ADCY2: variants seen among roughly 807,000 people sequenced by gnomAD.
The protein encoded by ADCY2 is adenylate cyclase 2, also known as adenylate cyclase type 2.
In ADCY2, 31 loss-of-function variants were observed where a neutral mutation model predicts 125.2. The observed-to-expected ratio is 0.25, with a 90% CI of 0.19 to 0.33. The LOEUF (loss-of-function observed/expected upper bound fraction) is 0.33, where lower values mean the gene tolerates loss of function less well. Among genes scored for constraint, ADCY2 ranks in the 10% least tolerant of loss-of-function variants. The pLI, the probability that ADCY2 is intolerant of heterozygous loss-of-function variation, is 1.00. For synonymous variants in ADCY2, 512 were observed against 548.4 expected (o/e 0.93, Z 0.93); for missense variants, 904 against 1,418.2 (o/e 0.64, Z 5.82).
chr5:7,563,063 A>G (rs993752515), intron 3 of ADCY2, among the ~76,000 whole-genome samples: 1 of 152,114 alleles, frequency 6.6e-6, no homozygotes, highest in Non-Finnish European at 1.5e-5. Flanking sequence ...CATCTTGGAG[A>G]CAAATTTAGT....
chr5:7,566,937 C>G (rs750799530), intron 3 of ADCY2, among the ~76,000 whole-genome samples: 1 of 152,074 alleles, frequency 6.6e-6, no homozygotes, highest in African/African-American at 2.4e-5. Context: ...TCTGTCTTGA[C>G]CAGTTTCAAG....
At chr5:7,521,356 CA>C (rs1392804171) in intron 3 of ADCY2, among the ~76,000 whole-genome samples, 1 of 151,458 alleles carries the variant, frequency 6.6e-6, no homozygotes, top group Non-Finnish European at 1.5e-5. Flanking sequence ...GGTCTATGAG[CA>C]TTAAAAAAAA....
At position 7,753,130 on chromosome 5, in the gene ADCY2, C is replaced by T. The variant is rs140721054; in HGVS notation, c.1957-4319C>T. ...GCCAGGATAGTCTCAAACTCCTGAC[C>T]TCATGATCTGCCCATCTCAGCCTCC... is the stretch of plus-strand genomic sequence containing the variant. On this transcript the variant is annotated intron_variant, in intron 15 of 24. Transcript: ENST00000338316. Among the ~76,000 whole-genome samples the T allele has an allele frequency of 7.5e-3, 1,135 of 152,194 alleles. 13 individuals carry two copies. The highest frequency in any genetic ancestry group is 0.026 in the African/African-American group (1,092 of 41,520).
At chr5:7,540,697 A>G (rs2126560046) in intron 3 of ADCY2, among the ~76,000 whole-genome samples, 1 of 152,308 alleles carries the variant, frequency 6.6e-6, no homozygotes, top group Non-Finnish European at 1.5e-5. Context: ...CATTTCTCCC[A>G]GTTCTTGTCC....
At chr5:7,460,192 G>A (rs1741867097) in intron 2 of ADCY2, among the ~76,000 whole-genome samples, 1 of 152,018 alleles carries the variant, frequency 6.6e-6, no homozygotes, top group Non-Finnish European at 1.5e-5. Flanking sequence ...GAATTGATAA[G>A]CAGGGATCAT....
At chr5:7,476,280 C>T (rs1466954267) in intron 2 of ADCY2, among the ~76,000 whole-genome samples, 2 of 151,950 alleles carry the variant, frequency 1.3e-5, no homozygotes, top group Non-Finnish European at 2.9e-5. Context: ...GGTGAGATCC[C>T]CCAGGAAGCT....
chr5:7,792,263 C>T (rs1330596667), intron 20 of ADCY2, among the ~76,000 whole-genome samples: 8 of 146,460 alleles, frequency 5.5e-5, no homozygotes, highest in African/African-American at 1.5e-4. Flanking sequence ...GGCATGGTGG[C>T]GGGTGCCTGT....
intron 2 of ADCY2, among the ~76,000 whole-genome samples, chr5:7,516,743 G>A (rs1432247395): frequency 6.6e-6 from 1 of 152,198 alleles, no homozygotes; most frequent in Non-Finnish European, 1.5e-5. Flanking sequence ...GAATGGACAC[G>A]AAGGAGGAAG....
chr5:7,437,811 A>G (rs1740863615), intron 2 of ADCY2, among the ~76,000 whole-genome samples: 1 of 152,222 alleles, frequency 6.6e-6, no homozygotes, highest in Admixed American at 6.5e-5. Flanking sequence ...TGCAAAATTT[A>G]TGTGCTGAAA....
rs570899640 is a variant in ADCY2 at position 7,570,082 on chromosome 5, T to C, written c.570+49183T>C. On this transcript the variant is annotated intron_variant, in intron 3 of 24. Transcript: ENST00000338316. ...TAAGGTCACACAATCACTATAAGTG[T>C]AACCCTATGACTTCTGCTTGAAAAT... Among the ~76,000 whole-genome samples the C allele has an allele frequency of 2.0e-5, 3 of 152,236 alleles. No individual in the cohort carries two copies. The East Asian group carries it at 5.8e-4, about 29-fold the overall frequency.
chr5:7,567,000 A>C (rs558744366), intron 3 of ADCY2, among the ~76,000 whole-genome samples: 22 of 152,198 alleles, frequency 1.4e-4, no homozygotes, highest in Non-Finnish European at 2.4e-4. Flanking sequence ...TTATATTGCC[A>C]ATTCATCACT....
At chr5:7,706,629 G>A (rs1316219359) in intron 7 of ADCY2, 115 bp from the exon 8 acceptor site, 1 of 1,232,922 alleles carries the variant, frequency 8.1e-7, no homozygotes, top group Non-Finnish European at 1.2e-6. Context: ...GAAGGTTTAT[G>A]GTCATTTCCG....
chr5:7,624,838 C>A (rs1738070436), intron 3 of ADCY2, among the ~76,000 whole-genome samples: 1 of 152,120 alleles, frequency 6.6e-6, no homozygotes, highest in Non-Finnish European at 1.5e-5. Flanking sequence ...ATTAAAGCCA[C>A]TAGTGACCTG....
chr5:7,522,195 G>A (rs1744469031), intron 3 of ADCY2, among the ~76,000 whole-genome samples: 2 of 152,108 alleles, frequency 1.3e-5, no homozygotes, highest in South Asian at 2.1e-4. Flanking sequence ...GCAACATTAC[G>A]GTTTGCTATA....
In ADCY2 at chr5:7,746,778, G is replaced by GT. The variant is rs1449024036; in HGVS notation, c.1956+3027dup. ...CTCTAATACCAGCTTTCAGTTCTCC[G>GT]TATGAAGAAATAACATAAAATGTAA... On this transcript the variant is annotated intron_variant, in intron 15 of 24. Coordinates refer to ENST00000338316, the MANE Select transcript of ADCY2 (RefSeq NM_020546.3). 2.6e-5 allele frequency among the ~76,000 whole-genome samples: 4 copies of GT among 152,292 alleles called. No individual in the cohort carries two copies. In the East Asian group the frequency reaches 5.8e-4, roughly 22 times the overall value.
chr5:7,528,423 G>GC lies in ADCY2; in HGVS notation c.570+7524_570+7525insC, dbSNP rs1453722334. Among the ~76,000 whole-genome samples the GC allele has an allele frequency of 1.7e-4, 24 of 138,240 alleles. 1 individual carries two copies. The allele number at this position is 138,240 out of a possible 152,430, so 90.7% of individuals were successfully genotyped here. ...GGTAACTAACAATTTGACTGTAATG[G>GC]TAGAATGAGACCTAGGTTCATTTTC... On this transcript the variant is annotated intron_variant, in intron 3 of 24. Transcript: ENST00000338316.
At chr5:7,702,752 A>T (rs1282058619) in intron 7 of ADCY2, among the ~76,000 whole-genome samples, 4 of 152,190 alleles carry the variant, frequency 2.6e-5, no homozygotes, top group African/African-American at 9.7e-5. Context: ...CAGTAATGGG[A>T]TGGCTGGGTG....
intron 3 of ADCY2, among the ~76,000 whole-genome samples, chr5:7,607,417 G>C (rs1737415472): frequency 6.6e-6 from 1 of 152,172 alleles, no homozygotes; most frequent in Non-Finnish European, 1.5e-5. Context: ...ATATTCACTT[G>C]GGGAGATTTA....
chr5:7,786,895 G>A (rs1183999313), intron 19 of ADCY2, among the ~76,000 whole-genome samples: 1 of 152,194 alleles, frequency 6.6e-6, no homozygotes, highest in Non-Finnish European at 1.5e-5. Flanking sequence ...AAGCCCTCCA[G>A]TTCCTCAGGT....
Sources: allele counts gnomAD v4.1 joint callset (sites outside exome capture counted in the v4.1 genomes callset), GRCh38; gene constraint gnomAD v4.1.1; transcripts MANE v1.5; gene names NCBI Gene and HGNC (gene_info 2026-07-23, HGNC 2026-07-21).